ERC1: variants seen among roughly 807,000 people sequenced by gnomAD.
ERC1 encodes ELKS/RAB6-interacting/CAST family member 1.
ERC1 carries 56 observed loss-of-function variants against 132.0 expected under a neutral mutation model. That is an observed-to-expected ratio of 0.42 (90% CI 0.34 to 0.53). The LOEUF is 0.53. Among genes scored for constraint, ERC1 ranks in the 20% least tolerant of loss-of-function variants. The pLI is 0.03. For synonymous variants in ERC1, 478 were observed against 476.1 expected (o/e 1.00, Z -0.05); for missense variants, 1,202 against 1,349.9 (o/e 0.89, Z 1.72).
intron 14 of ERC1, among the ~76,000 whole-genome samples, chr12:1,273,901 G>C (rs1260713976): frequency 6.6e-6 from 1 of 152,190 alleles, no homozygotes; most frequent in Admixed American, 6.5e-5. Context: ...TTCTGATATA[G>C]TTGGTCATTT....
At chr12:1,415,350 A>G (rs2092064053) in intron 17 of ERC1, among the ~76,000 whole-genome samples, 1 of 152,240 alleles carries the variant, frequency 6.6e-6, no homozygotes, top group African/African-American at 2.4e-5. Flanking sequence ...CAATCTGGAA[A>G]TGGCCTGCCT....
Position 1,027,973 on chromosome 12 carries a change from C to T in ERC1, c.70C>T (p.Leu24Phe). 1 of 1,614,098 alleles carries T rather than the reference C, an allele frequency of 6.2e-7. No individual in the cohort carries two copies. The highest frequency in any genetic ancestry group is 1.1e-5 in the South Asian group (1 of 91,068). ...SSQSPGRSPRLPRSPRLGHRR... is the reference protein window; with the variant it reads ...SSQSPGRSPRFPRSPRLGHRR... ...CCAGAGCCCTGGGCGTTCACCCAGGCTTCCACGTTCCCCTCGCTTGGGTCA... is the reference window on the plus strand; with the variant it reads ...CCAGAGCCCTGGGCGTTCACCCAGGTTTCCACGTTCCCCTCGCTTGGGTCA... The change falls in exon 2 of 19, where the codon CTT becomes TTT. Residue 24 changes from leucine (L) to phenylalanine (F), a missense_variant. Coordinates refer to ENST00000360905, the MANE Select transcript of ERC1 (RefSeq NM_178040.4).
intron 1 of ERC1, among the ~76,000 whole-genome samples, chr12:1,001,246 T>C (rs908207179): frequency 1.3e-5 from 2 of 152,194 alleles, no homozygotes; most frequent in South Asian, 2.1e-4. Context: ...TTTGTGGATA[T>C]TGAGTTTTGG....
intron 2 of ERC1, among the ~76,000 whole-genome samples, chr12:1,077,041 T>G (rs1941466266): frequency 6.6e-6 from 1 of 152,232 alleles, no homozygotes; most frequent in Non-Finnish European, 1.5e-5. Flanking sequence ...TTTTGCGTGT[T>G]ACATTAATAA....
intron 12 of ERC1, among the ~76,000 whole-genome samples, chr12:1,221,469 T>G (rs1018819599): frequency 6.6e-6 from 1 of 152,202 alleles, no homozygotes; most frequent in Non-Finnish European, 1.5e-5. Flanking sequence ...AATGTTGAAT[T>G]GATCATTTAA....
At chr12:1,044,286 G>A (rs759270968) in intron 2 of ERC1, among the ~76,000 whole-genome samples, 1 of 152,118 alleles carries the variant, frequency 6.6e-6, no homozygotes, top group African/African-American at 2.4e-5. Flanking sequence ...ACTTGATTTT[G>A]TTTTTGTCAG....
intron 18 of ERC1, among the ~76,000 whole-genome samples, chr12:1,461,315 C>A (rs186924529): frequency 2.6e-5 from 4 of 152,128 alleles, no homozygotes; most frequent in Admixed American, 1.3e-4. Context: ...GTGCAGCTTT[C>A]GTTTTTAAAA....
chr12:1,411,153 T>G (rs1162342455), intron 17 of ERC1, among the ~76,000 whole-genome samples: 1 of 152,212 alleles, frequency 6.6e-6, no homozygotes, highest in Non-Finnish European at 1.5e-5. Context: ...ACTGTCTAGA[T>G]TCTCCTTTTC....
intron 2 of ERC1, among the ~76,000 whole-genome samples, chr12:1,052,361 A>G (rs1972169957): frequency 6.6e-6 from 1 of 152,240 alleles, no homozygotes; most frequent in Non-Finnish European, 1.5e-5. Context: ...CTGTGTTTCC[A>G]TCACCTAGAA....
chr12:1,005,961 CT>C (rs10627402), intron 1 of ERC1, among the ~76,000 whole-genome samples: 7,239 of 142,152 alleles, frequency 0.051, 223 homozygotes, highest in Non-Finnish European at 0.067. Context: ...ATTCTTATTA[CT>C]TTTTTTTTTT....
At chr12:1,022,233 A>T (rs1016767547) in intron 1 of ERC1, among the ~76,000 whole-genome samples, 4 of 152,130 alleles carry the variant, frequency 2.6e-5, no homozygotes, top group Admixed American at 2.6e-4. Context: ...TACATTTTAT[A>T]TTGTGATCCA....
chr12:1,414,591 G>A (rs1291559996), intron 17 of ERC1, among the ~76,000 whole-genome samples: 1 of 152,068 alleles, frequency 6.6e-6, no homozygotes, highest in Non-Finnish European at 1.5e-5. Context: ...CGCCCAACAG[G>A]GAGTTCCAGA....
chr12:1,232,408 A>G (rs1049584568), intron 12 of ERC1, among the ~76,000 whole-genome samples: 62 of 152,258 alleles, frequency 4.1e-4, no homozygotes, highest in African/African-American at 1.3e-3. Context: ...TATTTCTTCT[A>G]TTCTCCTGTT....
intron 16 of ERC1, among the ~76,000 whole-genome samples, chr12:1,385,021 A>C (rs1342674071): frequency 6.6e-6 from 1 of 152,246 alleles, no homozygotes; most frequent in African/African-American, 2.4e-5. Context: ...AAATCTACAT[A>C]TGCACTTTAC....
chr12:1,355,230 A>G (rs57191010), intron 15 of ERC1, among the ~76,000 whole-genome samples: 2,459 of 152,316 alleles, frequency 0.016, 69 homozygotes, highest in African/African-American at 0.056. Flanking sequence ...TTATTTGTGG[A>G]CACTAAACTT....
At chr12:1,359,862 G>A (rs1023533651) in intron 15 of ERC1, among the ~76,000 whole-genome samples, 11 of 152,044 alleles carry the variant, frequency 7.2e-5, no homozygotes, top group South Asian at 2.1e-4. Context: ...AAAGAGTTAC[G>A]TCATCTTTAG....
chr12:1,371,281 C>T (rs1037066281), intron 15 of ERC1, among the ~76,000 whole-genome samples: 1 of 152,174 alleles, frequency 6.6e-6, no homozygotes, highest in Non-Finnish European at 1.5e-5. Flanking sequence ...TAAATGGAAT[C>T]GTGCAGTATT....
rs531071716 is a variant in ERC1, at chr12:1,237,880, T to C, written c.2487+976T>C. On this transcript the variant is annotated intron_variant, in intron 13 of 18. Transcript: ENST00000360905. Reference sequence around the variant, plus strand: ...TTCTAATTGGGTCTGATACTGTGTATATGCCGCAATTACAATCTTTACTGG... The same window carrying C: ...TTCTAATTGGGTCTGATACTGTGTACATGCCGCAATTACAATCTTTACTGG... Among the ~76,000 whole-genome samples, 7 of 152,344 alleles carry C rather than the reference T, an allele frequency of 4.6e-5. No individual in the cohort carries two copies. In the South Asian group the frequency reaches 1.5e-3, roughly 32 times the overall value.
chr12:1,163,149 A>T (rs1457995431), intron 8 of ERC1, among the ~76,000 whole-genome samples: 1 of 152,188 alleles, frequency 6.6e-6, no homozygotes, highest in Non-Finnish European at 1.5e-5. Context: ...TTTAACTTGC[A>T]AAGTATTATT....
Sources: gnomAD v4.1 joint callset for allele counts (sites outside exome capture counted in the v4.1 genomes callset) on GRCh38, gnomAD v4.1.1 for gene constraint, MANE v1.5 for transcripts, NCBI Gene and HGNC (gene_info 2026-07-23, HGNC 2026-07-21) for gene names.